Variants in SAGE1 observed in about 807,000 individuals in gnomAD.
SAGE1 encodes the protein sarcoma antigen 1.
SAGE1 carries 55 observed loss-of-function variants against 55.4 expected under a neutral mutation model. The observed-to-expected ratio is 0.99, with a 90% CI of 0.80 to 1.24. The LOEUF (loss-of-function observed/expected upper bound fraction) is 1.24. Ranked by LOEUF, SAGE1 falls within the 50% of genes most tolerant of loss-of-function variation. The pLI, the probability that SAGE1 is intolerant of heterozygous loss-of-function variation, is 0.00. For missense variants in SAGE1, 710 were observed against 704.4 expected (o/e 1.01, Z -0.09); for synonymous variants, 240 against 244.3 (o/e 0.98, Z 0.17).
At chrX:135,894,802 G>A (rs1211745478) in intron 1 of SAGE1, among the ~76,000 whole-genome samples, 2 of 111,040 alleles carry the variant, frequency 1.8e-5, no homozygotes, top group African/African-American at 6.6e-5. Context: ...GCAAGTAGCA[G>A]TCATTTCGAC....
chrX:135,899,458 A>T (rs1362869135), intron 2 of SAGE1, among the ~76,000 whole-genome samples: 1 of 111,538 alleles, frequency 9.0e-6, no homozygotes, highest in Non-Finnish European at 1.9e-5. Context: ...ATTGCTTAGG[A>T]TTGTCTTGGC....
Position 135,907,395 on chromosome X carries a change from A to G in SAGE1, c.960A>G (p.Gln320=), listed in dbSNP as rs201511584. 757 of 1,206,534 alleles carry G rather than the reference A, an allele frequency of 6.3e-4. 1 individual carries two copies. The highest frequency in any genetic ancestry group is 8.3e-4 in the Non-Finnish European group (737 of 892,304). ...PQPNNVLSTV[Q]PVIIYLTATG... is the part of the protein sequence containing the mutation. Reference sequence around the variant, plus strand: ...CTAATAACGTATTGTCAACTGTTCAACCAGTGATTATTTATTTGACAGCAA... The same window carrying G: ...CTAATAACGTATTGTCAACTGTTCAGCCAGTGATTATTTATTTGACAGCAA... Residue 320 remains glutamine, a synonymous_variant, in exon 9 of 20, where the codon CAA becomes CAG. Transcript: ENST00000370709.
At chrX:135,910,193 C>T in intron 15 of SAGE1, 23 bp downstream of exon 15, 3 of 1,190,063 alleles carry the variant, frequency 2.5e-6, no homozygotes, top group Non-Finnish European at 3.4e-6. Context: ...ACTTGTTGTA[C>T]TGTCATACTT....
rs782192820 is a variant in SAGE1 at position 135,908,588 on chromosome X, G to T, written c.1412G>T (p.Ser471Ile). Residue 471 changes from serine (S) to isoleucine (I), a missense_variant, in exon 12 of 20, where the codon AGT (serine) becomes ATT (isoleucine). Coordinates refer to ENST00000370709, the MANE Select transcript of SAGE1 (RefSeq NM_001381902.1). ...GGGCTTATTAATATGGCAGGAGCTA[G>T]TATTCCAGCAATGAGTTCCAGGGAT... ...LSGLINMAGA[S>I]IPAMSSRDLY... The T allele has an allele frequency of 1.7e-6, 2 of 1,202,804 alleles. No individual in the cohort carries two copies. The highest frequency in any genetic ancestry group is 3.6e-5 in the South Asian group (2 of 54,882).
intron 4 of SAGE1, 122 bp downstream of exon 4, chrX:135,904,691 G>A: frequency 2.1e-6 from 1 of 482,903 alleles, no homozygotes. Context: ...ATAGAAGGTG[G>A]TTTTGTTGTA....
In SAGE1 at chrX:135,901,636, A is replaced by G; in HGVS notation, c.165A>G (p.Arg55=). 2 of 1,208,838 alleles carry G rather than the reference A, an allele frequency of 1.7e-6. No homozygotes were observed. The highest frequency in any genetic ancestry group is 2.2e-6 in the Non-Finnish European group (2 of 892,972). The change falls in exon 3 of 20, where the codon AGA becomes AGG. Residue 55 remains arginine, a synonymous_variant. Transcript: ENST00000370709. ...AGAAACATTCCAGAAAATCCAAGAG[A>G]CACTCTTCATCTAAGAGAAGGAAGA... ...SKKKHSRKSK[R]HSSSKRRKSM...
At chrX:135,902,031 A>G (rs1378450273) in intron 3 of SAGE1, among the ~76,000 whole-genome samples, 1 of 112,090 alleles carries the variant, frequency 8.9e-6, no homozygotes, top group African/African-American at 3.2e-5. Context: ...TCTCAGCAGC[A>G]TGCGACACAG....
intron 17 of SAGE1, 93 bp from the exon 18 acceptor site, chrX:135,911,486 A>G: frequency 1.1e-6 from 1 of 878,682 alleles, no homozygotes; most frequent in Non-Finnish European, 1.6e-6. Context: ...GCTTCATGAG[A>G]TAACTCCCTA....
rs1452577970 is a variant in SAGE1, at chrX:135,913,011, C to T, written c.*114C>T. 24 of 483,778 alleles carry T rather than the reference C, an allele frequency of 5.0e-5. No individual in the cohort carries two copies. The highest frequency in any genetic ancestry group is 4.6e-4 in the South Asian group (12 of 26,080). The allele number at this position is 483,778 out of a possible 1,213,427, so 39.9% of individuals were successfully genotyped here. ...GAAGAGAATTCCCTTCCAGAAGCTA[C>T]GAAAAAGGGAGCTGTTTAAATTTAA... On this transcript the variant is annotated 3_prime_UTR_variant, in exon 20 of 20. Transcript: ENST00000370709.
At chrX:135,899,285 C>A (rs1416980395) in intron 2 of SAGE1, among the ~76,000 whole-genome samples, 1 of 111,574 alleles carries the variant, frequency 9.0e-6, no homozygotes, top group Non-Finnish European at 1.9e-5. Flanking sequence ...TCAGGTTTGT[C>A]GAAGATCAGA....
chrX:135,901,841 A>G lies in SAGE1; in HGVS notation c.220+150A>G, dbSNP rs2088685069. 9 of 552,375 alleles carry G rather than the reference A, an allele frequency of 1.6e-5. No homozygotes were observed. In the East Asian group the frequency reaches 3.2e-4, roughly 20 times the overall value. The allele number at this position is 552,375 out of a possible 1,213,427, so 45.5% of individuals were successfully genotyped here. On this transcript the variant is annotated intron_variant, in intron 3 of 19. Coordinates refer to ENST00000370709, the MANE Select transcript of SAGE1 (RefSeq NM_001381902.1). ...AATTTGGAGTTGTTGCAAGCGTTAG[A>G]TGAATGAAGCAGGTTCCTGAGGCAG...
chrX:135,912,522 A>G, intron 19 of SAGE1, 108 bp downstream of exon 19: 1 of 1,171,908 alleles, frequency 8.5e-7, no homozygotes, highest in Non-Finnish European at 1.1e-6. Flanking sequence ...GCCCTCAATC[A>G]TAGTTCATGC....
Position 135,904,580 on chromosome X carries a change from A to G in SAGE1, c.313+11A>G, listed in dbSNP as rs782003832. ...CTCCACCATGGCCTGGTAATATGGC[A>G]GCAGCAGGAATTTCATCCATGAGTA... On this transcript the variant is annotated intron_variant, in intron 4 of 19. Transcript: ENST00000370709. 19 of 1,079,531 alleles carry G rather than the reference A, an allele frequency of 1.8e-5. No homozygotes were observed. In the South Asian group the frequency reaches 3.7e-4, roughly 21 times the overall value. The allele number at this position is 1,079,531 out of a possible 1,213,427, so 89.0% of individuals were successfully genotyped here.
At chrX:135,906,784 A>G in intron 7 of SAGE1, 142 bp from the exon 8 acceptor site, 1 of 940,312 alleles carries the variant, frequency 1.1e-6, no homozygotes, top group Non-Finnish European at 1.5e-6. Context: ...CCTGGCCTCA[A>G]TTTCAGGGGT....
Position 135,901,671 on chromosome X carries a change from C to T in SAGE1, c.200C>T (p.Ser67Leu), listed in dbSNP as rs143643223. The T allele has an allele frequency of 8.3e-3, 10,013 of 1,204,452 alleles. 41 individuals carry two copies. The highest frequency in any genetic ancestry group is 0.011 in the South Asian group (602 of 55,561). Reference sequence around the variant, plus strand: ...TCTAAGAGAAGGAAGAGTATGTCCTCGTGGTTAGACAAACAGGAAGGTGAG... The same window carrying T: ...TCTAAGAGAAGGAAGAGTATGTCCTTGTGGTTAGACAAACAGGAAGGTGAG... ...SSSKRRKSMS[S>L]WLDKQEDAAV... Residue 67 changes from serine to leucine, a missense_variant, in exon 3 of 20, where the codon TCG becomes TTG. Ser to Leu is a moderately radical substitution (Grantham distance 145). Transcript: ENST00000370709.
At position 135,908,223 on chromosome X, in the gene SAGE1, G is replaced by A; in HGVS notation, c.1294G>A (p.Asp432Asn). 8.3e-7 allele frequency: 1 copy of A among 1,207,386 alleles called. No individual in the cohort carries two copies. The highest frequency in any genetic ancestry group is 1.1e-6 in the Non-Finnish European group (1 of 891,795). The change falls in exon 11 of 20, where the codon GAT (aspartate) becomes AAT (asparagine). Residue 432 changes from aspartate to asparagine, a missense_variant. Asp to Asn is a conservative substitution (Grantham distance 23). Transcript: ENST00000370709. ...TGGTATTCCACCCATGAGTACCAGG[G>A]ATCAGTGTATGTTTGCTTACTAGTT... ...GAGIPPMSTRDQYATVNHHVH... is the reference protein window; with the variant it reads ...GAGIPPMSTRNQYATVNHHVH...
intron 9 of SAGE1, 76 bp downstream of exon 9, chrX:135,907,529 G>A (rs2088818130): frequency 1.9e-6 from 2 of 1,037,216 alleles, no homozygotes; most frequent in Admixed American, 5.0e-5. Flanking sequence ...GAAGGAGGTT[G>A]TTTTATTGGA....
chrX:135,910,697 G>C lies in SAGE1; in HGVS notation c.2005+142G>C. 5.7e-6 allele frequency: 3 copies of C among 530,308 alleles called. No homozygotes were observed. In the East Asian group the frequency reaches 1.0e-4, roughly 18 times the overall value. 43.7% of individuals were successfully genotyped at this position (530,308 alleles called of 1,213,427 possible). A position where few individuals can be genotyped will look rare whatever the true frequency, so the allele number is the denominator to read the frequency against. ...TCATATGTCCACCTGGCATATCCTTGCCTTCTTTTATTGATAACTTCCTAG... is the reference window on the plus strand; with the variant it reads ...TCATATGTCCACCTGGCATATCCTTCCCTTCTTTTATTGATAACTTCCTAG... On this transcript the variant is annotated intron_variant, in intron 16 of 19. Transcript: ENST00000370709.
intron 1 of SAGE1, among the ~76,000 whole-genome samples, chrX:135,894,717 C>T (rs782048398): frequency 3.3e-4 from 36 of 109,330 alleles, no homozygotes; most frequent in Non-Finnish European, 5.7e-4. Flanking sequence ...CAGTTTAAAA[C>T]TTCAGGAATA....
Sources: gnomAD v4.1 joint callset for allele counts (sites outside exome capture counted in the v4.1 genomes callset) on GRCh38, gnomAD v4.1.1 for gene constraint, MANE v1.5 for transcripts, NCBI Gene and HGNC (gene_info 2026-07-23, HGNC 2026-07-21) for gene names.